RGS6: variants seen among roughly 807,000 people sequenced by gnomAD.
RGS6 encodes the protein regulator of G-protein signaling 6.
RGS6 carries 30 observed loss-of-function variants against 78.5 expected under a neutral mutation model. The observed-to-expected ratio is 0.38, with a 90% CI of 0.29 to 0.52. RGS6 has a LOEUF of 0.52. RGS6 is among the 20% of genes least tolerant of loss of function. RGS6 has a pLI of 0.85. For synonymous variants in RGS6, 206 were observed against 206.0 expected (o/e 1.00, Z 0.00); for missense variants, 495 against 609.7 (o/e 0.81, Z 1.98).
intron 3 of RGS6, among the ~76,000 whole-genome samples, chr14:72,363,061 A>T (rs1254312057): frequency 6.6e-6 from 1 of 152,242 alleles, no homozygotes; most frequent in African/African-American, 2.4e-5. Flanking sequence ...AGAGGAGCAT[A>T]TTGGCAGAAC....
intron 2 of RGS6, among the ~76,000 whole-genome samples, chr14:72,117,010 T>C (rs1321336845): frequency 6.8e-6 from 1 of 147,440 alleles, no homozygotes; most frequent in East Asian, 2.0e-4. Flanking sequence ...TAGAGTGATA[T>C]GGTTACATGA....
chr14:72,489,428 T>C (rs996484879), intron 12 of RGS6, among the ~76,000 whole-genome samples: 1 of 152,196 alleles, frequency 6.6e-6, no homozygotes, highest in African/African-American at 2.4e-5. Context: ...GGTTGAATAG[T>C]GGAGCCCCAA....
At chr14:72,159,107 A>C (rs896275056) in intron 2 of RGS6, among the ~76,000 whole-genome samples, 2 of 152,232 alleles carry the variant, frequency 1.3e-5, no homozygotes, top group Non-Finnish European at 2.9e-5. Context: ...TATTTAACAA[A>C]CTACGAAGCA....
At chr14:72,335,356 G>C (rs2075837411) in intron 2 of RGS6, among the ~76,000 whole-genome samples, 1 of 152,062 alleles carries the variant, frequency 6.6e-6, no homozygotes, top group Non-Finnish European at 1.5e-5. Context: ...GGGTTCTCCT[G>C]TTTTCTGGGT....
At chr14:71,915,889 A>T in the RGS6 span, among the ~76,000 whole-genome samples, 1 of 152,188 alleles carries the variant, frequency 6.6e-6, no homozygotes, top group Non-Finnish European at 1.5e-5. Context: ...AAATGTGGAC[A>T]CAGAGAAACA....
At chr14:72,293,492 GCTTTC>G (rs1009308405) in intron 2 of RGS6, among the ~76,000 whole-genome samples, 15 of 150,830 alleles carry the variant, frequency 9.9e-5, no homozygotes, top group Non-Finnish European at 1.5e-5. Context: ...TCCCCTTTCC[GCTTTC>G]CCACTTCCTC....
chr14:71,922,675 C>T, the RGS6 span, among the ~76,000 whole-genome samples: 62 of 152,262 alleles, frequency 4.1e-4, no homozygotes, highest in African/African-American at 1.4e-3. Context: ...CAGGATAGTA[C>T]ATTGCATTTA....
intron 15 of RGS6, among the ~76,000 whole-genome samples, chr14:72,522,574 A>G (rs1314918197): frequency 6.6e-6 from 1 of 152,248 alleles, no homozygotes; most frequent in Non-Finnish European, 1.5e-5. Context: ...AGCAGCTACA[A>G]TGCAACAACA....
rs572081635 is a variant in RGS6, at chr14:72,410,015, A to G, written c.185-44513A>G. Among the ~76,000 whole-genome samples the G allele has an allele frequency of 7.7e-3, 1,166 of 152,304 alleles. 20 individuals carry two copies. The highest frequency in any genetic ancestry group is 0.026 in the African/African-American group (1,098 of 41,560). Reference sequence around the variant, plus strand: ...TCTTTGCTATTGTGAATAGTGCCGCAATAAACATACATGTGCATGTGTCTT... The same window carrying G: ...TCTTTGCTATTGTGAATAGTGCCGCGATAAACATACATGTGCATGTGTCTT... On this transcript the variant is annotated intron_variant, in intron 3 of 17. Coordinates refer to ENST00000553525, the MANE Select transcript of RGS6 (RefSeq NM_001204424.2).
At chr14:72,401,842 A>G (rs571134557) in intron 3 of RGS6, among the ~76,000 whole-genome samples, 2 of 152,332 alleles carry the variant, frequency 1.3e-5, no homozygotes, top group South Asian at 4.1e-4. Flanking sequence ...CCACCACAGC[A>G]AAAAGACTGT....
At chr14:71,875,120 C>T in the RGS6 span, among the ~76,000 whole-genome samples, 3 of 152,112 alleles carry the variant, frequency 2.0e-5, no homozygotes, top group South Asian at 6.2e-4. Flanking sequence ...TTTGTTGTCT[C>T]TCTACCAGGC....
At chr14:72,298,573 G>A (rs1473078118) in intron 2 of RGS6, among the ~76,000 whole-genome samples, 1 of 150,792 alleles carries the variant, frequency 6.6e-6, no homozygotes, top group Non-Finnish European at 1.5e-5. Context: ...TCAGCCTCCC[G>A]AGTAGCTGGG....
intron 3 of RGS6, among the ~76,000 whole-genome samples, chr14:72,396,110 C>T (rs1285113276): frequency 6.6e-6 from 1 of 152,228 alleles, no homozygotes; most frequent in Non-Finnish European, 1.5e-5. Flanking sequence ...ATCGCCACAC[C>T]AACTTCCACA....
At chr14:72,046,211 T>G (rs1596546255) in intron 2 of RGS6, among the ~76,000 whole-genome samples, 2 of 151,864 alleles carry the variant, frequency 1.3e-5, no homozygotes, top group East Asian at 1.9e-4. Flanking sequence ...TGGGTTTTTT[T>G]TTTTTTTTTT....
At chr14:72,481,504 C>G (rs769246256) in intron 12 of RGS6, among the ~76,000 whole-genome samples, 5 of 152,214 alleles carry the variant, frequency 3.3e-5, no homozygotes, top group Non-Finnish European at 7.3e-5. Context: ...CACTGCCTCA[C>G]ACGCCATCAC....
At position 72,023,945 on chromosome 14, in the gene RGS6, C is replaced by A. The variant is rs11846932; in HGVS notation, c.84+59070C>A. ...AGAACATGAACTTACTCCTTGCTCT[C>A]GTTTCTGGGGGAGAAAGCCATGTAT... is the stretch of plus-strand genomic sequence containing the variant. On this transcript the variant is annotated intron_variant, in intron 2 of 17. Coordinates refer to ENST00000553525, the MANE Select transcript of RGS6 (RefSeq NM_001204424.2). Among the ~76,000 whole-genome samples the A allele has an allele frequency of 2.0e-5, 3 of 152,240 alleles. No homozygotes were observed. In the South Asian group the frequency reaches 6.2e-4, roughly 32 times the overall value.
At chr14:72,297,548 A>T (rs1196191027) in intron 2 of RGS6, among the ~76,000 whole-genome samples, 4 of 147,268 alleles carry the variant, frequency 2.7e-5, no homozygotes, top group Non-Finnish European at 1.5e-5. Context: ...AGCCTTAGGT[A>T]TATCTCCCAA....
intron 1 of RGS6, among the ~76,000 whole-genome samples, chr14:71,944,511 A>G (rs1030227611): frequency 7.9e-5 from 12 of 152,350 alleles, no homozygotes; most frequent in African/African-American, 2.2e-4. Flanking sequence ...AGGAATAAAT[A>G]GAAAATTAGC....
At chr14:72,451,485 G>C (rs1052390794) in intron 3 of RGS6, among the ~76,000 whole-genome samples, 1 of 152,146 alleles carries the variant, frequency 6.6e-6, no homozygotes, top group Non-Finnish European at 1.5e-5. Context: ...GTGCTGAGCC[G>C]GGGGTTGGGG....
Sources: gnomAD v4.1 joint callset for allele counts (sites outside exome capture counted in the v4.1 genomes callset) on GRCh38, gnomAD v4.1.1 for gene constraint, MANE v1.5 for transcripts, NCBI Gene and HGNC (gene_info 2026-07-23, HGNC 2026-07-21) for gene names.